The following CNTN5 variants were observed in gnomAD, a reference collection of about 807,000 sequenced individuals.
CNTN5 encodes contactin-5.
In CNTN5, 77 loss-of-function variants were observed where a neutral mutation model predicts 129.1. That is an observed-to-expected ratio of 0.60 (90% CI 0.50 to 0.72). The LOEUF is 0.72. CNTN5 is among the 30% of genes least tolerant of loss of function. CNTN5 has a pLI of 0.00. For missense variants in CNTN5, 1,478 were observed against 1,328.8 expected (o/e 1.11, Z -1.75); for synonymous variants, 509 against 465.6 (o/e 1.09, Z -1.20).
chr11:99,839,013 T>C (rs535145941), intron 4 of CNTN5, among the ~76,000 whole-genome samples: 1 of 151,942 alleles, frequency 6.6e-6, no homozygotes, highest in Non-Finnish European at 1.5e-5. Context: ...TTTGGAAAAA[T>C]TCTTCACAAG....
chr11:100,209,836 C>A (rs1948990179), intron 15 of CNTN5, among the ~76,000 whole-genome samples: 1 of 152,078 alleles, frequency 6.6e-6, no homozygotes, highest in African/African-American at 2.4e-5. Context: ...AATTCATAGG[C>A]TCTTTTAAAC....
intron 3 of CNTN5, among the ~76,000 whole-genome samples, chr11:99,586,882 G>T (rs1949809832): frequency 6.6e-6 from 1 of 152,104 alleles, no homozygotes; most frequent in Non-Finnish European, 1.5e-5. Flanking sequence ...CTAACTCAGG[G>T]CACCATAAAG....
intron 13 of CNTN5, among the ~76,000 whole-genome samples, chr11:100,171,047 C>G (rs1307340208): frequency 1.3e-5 from 2 of 151,860 alleles, no homozygotes; most frequent in Non-Finnish European, 1.5e-5. Context: ...TACTGACTGC[C>G]ACTGTATTTT....
intron 1 of CNTN5, among the ~76,000 whole-genome samples, chr11:99,322,069 T>C (rs1408309148): frequency 2.0e-5 from 3 of 152,174 alleles, no homozygotes; most frequent in Non-Finnish European, 4.4e-5. Flanking sequence ...TTGTCCCCAG[T>C]TGTATTAGTT....
intron 3 of CNTN5, among the ~76,000 whole-genome samples, chr11:99,726,640 C>T (rs1033337424): frequency 5.9e-5 from 9 of 152,132 alleles, no homozygotes; most frequent in Non-Finnish European, 1.2e-4. Context: ...AGGAAACTAT[C>T]GTCTCCATTT....
intron 1 of CNTN5, among the ~76,000 whole-genome samples, chr11:99,181,054 C>A (rs1417520192): frequency 6.6e-6 from 1 of 152,154 alleles, no homozygotes; most frequent in African/African-American, 2.4e-5. Flanking sequence ...TAATTTGTTG[C>A]TGAAGCAGGA....
At chr11:100,005,047 C>CCAG (rs1940109038) in intron 9 of CNTN5, among the ~76,000 whole-genome samples, 1 of 152,016 alleles carries the variant, frequency 6.6e-6, no homozygotes, top group Admixed American at 6.6e-5. Flanking sequence ...AACAGAATAG[C>CCAG]CAGCACTTTC....
intron 1 of CNTN5, among the ~76,000 whole-genome samples, chr11:99,141,008 A>G (rs1474216786): frequency 1.3e-5 from 2 of 152,020 alleles, no homozygotes; most frequent in Non-Finnish European, 2.9e-5. Flanking sequence ...TGCTGGCCTC[A>G]TAGAATGAAT....
At chr11:100,211,289 G>A (rs1200591964) in intron 15 of CNTN5, among the ~76,000 whole-genome samples, 1 of 152,076 alleles carries the variant, frequency 6.6e-6, no homozygotes, top group African/African-American at 2.4e-5. Context: ...AGCTTGAAAA[G>A]GTATGATGAA....
intron 2 of CNTN5, among the ~76,000 whole-genome samples, chr11:99,339,475 A>C (rs183513285): frequency 6.6e-6 from 1 of 152,092 alleles, no homozygotes; most frequent in Non-Finnish European, 1.5e-5. Context: ...CAGAAGGGAC[A>C]TCAGGTGAAA....
intron 1 of CNTN5, among the ~76,000 whole-genome samples, chr11:99,117,433 T>A (rs1429690425): frequency 6.6e-6 from 1 of 152,178 alleles, no homozygotes; most frequent in Non-Finnish European, 1.5e-5. Flanking sequence ...TTCCTGTTTT[T>A]GAACTTTATA....
At position 100,074,283 on chromosome 11, in the gene CNTN5, A is replaced by G. The variant is rs1196662440; in HGVS notation, c.1569A>G (p.Arg523=). The change falls in exon 13 of 25, where the codon AGA becomes AGG. Residue 523 remains arginine (R), a synonymous_variant. Coordinates refer to ENST00000524871, the MANE Select transcript of CNTN5 (RefSeq NM_014361.4). ...ISWKKGDRAV[R]ENKRIAILPD... is the part of the protein sequence containing the mutation. ...GGAAGAAAGGAGACAGAGCAGTTAGAGAAAACAAAAGGTTAGAATCTATTT... is the reference window on the plus strand; with the variant it reads ...GGAAGAAAGGAGACAGAGCAGTTAGGGAAAACAAAAGGTTAGAATCTATTT... 2.5e-6 allele frequency: 4 copies of G among 1,597,952 alleles called. No individual in the cohort carries two copies. The highest frequency in any genetic ancestry group is 3.4e-6 in the Non-Finnish European group (4 of 1,171,456).
intron 21 of CNTN5, among the ~76,000 whole-genome samples, chr11:100,321,819 C>G (rs1951702548): frequency 6.6e-6 from 1 of 152,032 alleles, no homozygotes; most frequent in South Asian, 2.1e-4. Flanking sequence ...TGGTTTTTGT[C>G]TTTCATTCCA....
chr11:99,974,989 T>A, intron 8 of CNTN5, among the ~76,000 whole-genome samples: 1 of 152,240 alleles, frequency 6.6e-6, no homozygotes, highest in East Asian at 1.9e-4. Context: ...GGTGATCAAA[T>A]AACTTGTAGT....
At chr11:99,114,549 T>A (rs1857951854) in intron 1 of CNTN5, among the ~76,000 whole-genome samples, 1 of 152,068 alleles carries the variant, frequency 6.6e-6, no homozygotes, top group Non-Finnish European at 1.5e-5. Context: ...TTCCTCATTC[T>A]TAAAACCATG....
intron 3 of CNTN5, among the ~76,000 whole-genome samples, chr11:99,700,404 T>A (rs149238899): frequency 4.0e-5 from 6 of 151,540 alleles, no homozygotes; most frequent in Non-Finnish European, 8.9e-5. Context: ...TATCAGCATT[T>A]TCTTTACTGA....
chr11:99,238,954 A>C (rs1187485929), intron 1 of CNTN5, among the ~76,000 whole-genome samples: 7 of 152,124 alleles, frequency 4.6e-5, no homozygotes, highest in Admixed American at 4.6e-4. Flanking sequence ...AAATAAATAA[A>C]AACTACCTGT....
intron 6 of CNTN5, among the ~76,000 whole-genome samples, 165 bp from the exon 7 acceptor site, chr11:99,915,889 T>C (rs1591413930): frequency 6.6e-6 from 1 of 152,168 alleles, no homozygotes; most frequent in Admixed American, 6.6e-5. Flanking sequence ...CATTGTGGTA[T>C]TTAAAATTAG....
intron 3 of CNTN5, among the ~76,000 whole-genome samples, chr11:99,564,943 A>C (rs868311113): frequency 1.3e-5 from 2 of 152,216 alleles, no homozygotes; most frequent in South Asian, 4.1e-4. Context: ...TCTCCAGCTA[A>C]TGGGTTTTTT....
Sources: allele counts gnomAD v4.1 joint callset (sites outside exome capture counted in the v4.1 genomes callset), GRCh38; gene constraint gnomAD v4.1.1; transcripts MANE v1.5; gene names NCBI Gene and HGNC (gene_info 2026-07-23, HGNC 2026-07-21).